AOX1: variants seen among roughly 807,000 people sequenced by gnomAD.
AOX1 encodes the protein aldehyde oxidase 1, also known as aldehyde oxidase.
A neutral mutation model predicts 169.5 loss-of-function variants in AOX1; 153 were observed. The observed-to-expected ratio is 0.90, with a 90% CI of 0.79 to 1.03. The LOEUF (loss-of-function observed/expected upper bound fraction) is 1.03, where lower values mean the gene tolerates loss of function less well. AOX1 is among the 50% of genes least tolerant of loss of function. AOX1 has a pLI of 0.00. For missense variants in AOX1, 1,656 were observed against 1,663.9 expected (o/e 1.00, Z 0.08); for synonymous variants, 562 against 581.9 (o/e 0.97, Z 0.49).
At chr2:200,676,696 C>A (rs528399565) in intron 4 of AOX1, among the ~76,000 whole-genome samples, 1 of 151,676 alleles carries the variant, frequency 6.6e-6, no homozygotes, top group African/African-American at 2.4e-5. Flanking sequence ...TATGTAAGGG[C>A]TGAATTGCCA....
intron 3 of AOX1, among the ~76,000 whole-genome samples, chr2:200,596,461 CTTGG>C (rs2034286898): frequency 1.3e-5 from 2 of 152,188 alleles, no homozygotes; most frequent in Non-Finnish European, 2.9e-5. Flanking sequence ...GACCAGTATG[CTTGG>C]AAAGTTTCTT....
At chr2:200,602,220 CT>C in intron 5 of AOX1, 63 bp from the exon 6 acceptor site, 1 of 1,367,210 alleles carries the variant, frequency 7.3e-7, no homozygotes, top group Non-Finnish European at 1.0e-6. Context: ...TTCCATCACA[CT>C]CTTGGTAGAC....
chr2:200,600,795 G>A (rs993271363), intron 5 of AOX1, among the ~76,000 whole-genome samples: 2 of 152,102 alleles, frequency 1.3e-5, no homozygotes, highest in African/African-American at 4.8e-5. Flanking sequence ...GTGATAAGGG[G>A]TTCTCAGATT....
intron 34 of AOX1, among the ~76,000 whole-genome samples, chr2:200,670,100 T>C (rs1437004002): frequency 1.3e-5 from 2 of 152,102 alleles, no homozygotes; most frequent in Non-Finnish European, 2.9e-5. Flanking sequence ...TCCAGGAATA[T>C]AGGCCCCTCT....
intron 24 of AOX1, among the ~76,000 whole-genome samples, chr2:200,641,869 G>A (rs1046910169): frequency 5.9e-5 from 9 of 151,994 alleles, no homozygotes; most frequent in Non-Finnish European, 1.0e-4. Context: ...CAGGCCAGAC[G>A]CAGTGGCTCA....
chr2:200,632,183 T>G (rs1460853411), intron 20 of AOX1, among the ~76,000 whole-genome samples: 1 of 152,038 alleles, frequency 6.6e-6, no homozygotes, highest in Admixed American at 6.5e-5. Flanking sequence ...TTCCCCACCT[T>G]CCTGTGGGTT....
chr2:200,663,409 C>T (rs1397887565), intron 31 of AOX1, among the ~76,000 whole-genome samples: 2 of 152,158 alleles, frequency 1.3e-5, no homozygotes, highest in African/African-American at 2.4e-5. Context: ...TTTTACTCAG[C>T]TAGGTCTTGC....
At chr2:200,621,298 C>T in intron 18 of AOX1, 52 bp downstream of exon 18, 1 of 1,585,602 alleles carries the variant, frequency 6.3e-7, no homozygotes, top group Non-Finnish European at 8.6e-7. Context: ...GTTAACGGTG[C>T]TTCATATTTT....
At chr2:200,611,285 C>G in intron 12 of AOX1, 99 bp from the exon 13 acceptor site, 1 of 805,746 alleles carries the variant, frequency 1.2e-6, no homozygotes, top group Non-Finnish European at 2.1e-6. Flanking sequence ...CCCTGAACAA[C>G]CGGTTTCCTC....
chr2:200,604,704 T>C lies in AOX1; in HGVS notation c.678T>C (p.Ala226=), dbSNP rs759023783. The change falls in exon 9 of 35, where the codon GCT becomes GCC. Residue 226 remains alanine, a synonymous_variant. Transcript: ENST00000374700. ...LIFPPELMIM[A]EKQSQRTRVF... ...TATTGCTTTTTCAATAGATAATGGC[T>C]GAGAAACAGTCGCAAAGGACCAGGG... 5 of 1,614,154 alleles carry C rather than the reference T, an allele frequency of 3.1e-6. No homozygotes were observed. Among genetic ancestry groups the C allele is most frequent in the Non-Finnish European group, 3.4e-6 (4 of 1,180,012 alleles).
At chr2:200,672,428 A>T (rs1000502336), downstream of AOX1, among the ~76,000 whole-genome samples, 2 of 152,228 alleles carry the variant, frequency 1.3e-5, no homozygotes, top group Non-Finnish European at 2.9e-5. Context: ...CTAAATAGCA[A>T]GGCATAGTCA....
chr2:200,597,370 T>A, intron 3 of AOX1, 27 bp from the exon 4 acceptor site: 1 of 1,538,406 alleles, frequency 6.5e-7, no homozygotes, highest in South Asian at 1.2e-5. Flanking sequence ...TAATTTGTAA[T>A]TTGTGCTTTT....
At chr2:200,619,460 G>T (rs1475574719) in intron 16 of AOX1, among the ~76,000 whole-genome samples, 1 of 152,154 alleles carries the variant, frequency 6.6e-6, no homozygotes, top group Non-Finnish European at 1.5e-5. Context: ...TACAGATGGG[G>T]GTACCCACCA....
At chr2:200,601,073 C>CTTTTTTTT (rs58855977) in intron 5 of AOX1, among the ~76,000 whole-genome samples, 13 of 120,474 alleles carry the variant, frequency 1.1e-4, no homozygotes, top group Non-Finnish European at 1.3e-4. Flanking sequence ...GCTTAGAGTG[C>CTTTTTTTT]TTTTTTTTTT....
chr2:200,590,027 C>T (rs1347312723), intron 1 of AOX1, among the ~76,000 whole-genome samples: 1 of 152,166 alleles, frequency 6.6e-6, no homozygotes, highest in Non-Finnish European at 1.5e-5. Context: ...TCTTTCTCTC[C>T]TCTGAGGCTG....
intron 4 of AOX1, among the ~76,000 whole-genome samples, chr2:200,598,676 T>A (rs1368698579): frequency 2.7e-5 from 4 of 149,636 alleles, no homozygotes; most frequent in Non-Finnish European, 4.4e-5. Context: ...ACCTGGGAGG[T>A]GGAGGTTGCA....
intron 10 of AOX1, 43 bp from the exon 11 acceptor site, chr2:200,608,941 A>G: frequency 6.3e-6 from 10 of 1,578,400 alleles, no homozygotes; most frequent in Non-Finnish European, 8.7e-6. Context: ...TTTTCAGATC[A>G]GCAGTGATCG....
chr2:200,619,548 T>C (rs1286512527), intron 16 of AOX1, among the ~76,000 whole-genome samples: 1 of 152,212 alleles, frequency 6.6e-6, no homozygotes, highest in Non-Finnish European at 1.5e-5. Context: ...TCCTTCTTTC[T>C]TCATATCTTC....
At chr2:200,652,365 TGTA>T (rs2035595504) in intron 26 of AOX1, among the ~76,000 whole-genome samples, 1 of 152,192 alleles carries the variant, frequency 6.6e-6, no homozygotes, top group African/African-American at 2.4e-5. Flanking sequence ...CACAGAGCCA[TGTA>T]GTCATCTGCA....
Sources: gnomAD v4.1 joint callset for allele counts (sites outside exome capture counted in the v4.1 genomes callset) on GRCh38, gnomAD v4.1.1 for gene constraint, MANE v1.5 for transcripts, NCBI Gene and HGNC (gene_info 2026-07-23, HGNC 2026-07-21) for gene names.